Variants in FAM47E observed in about 807,000 individuals in gnomAD.
FAM47E encodes protein FAM47E.
FAM47E carries 32 observed loss-of-function variants against 41.6 expected under a neutral mutation model. The observed-to-expected ratio is 0.77, with a 90% CI of 0.58 to 1.03. The LOEUF (loss-of-function observed/expected upper bound fraction) is 1.03. FAM47E is among the 50% of genes least tolerant of loss of function. The pLI, the probability that FAM47E is intolerant of heterozygous loss-of-function variation, is 0.00. For missense variants in FAM47E, 424 were observed against 485.4 expected, an observed-to-expected ratio of 0.87 and a Z score of 1.19; for synonymous variants, 184 against 188.7, an observed-to-expected ratio of 0.98 and a Z score of 0.20.
chr4:76,278,133 G>C lies in FAM47E; in HGVS notation c.935G>C (p.Trp312Ser). 2 of 1,550,896 alleles carry C rather than the reference G, an allele frequency of 1.3e-6. No homozygotes were observed. The highest frequency in any genetic ancestry group is 1.4e-5 in the African/African-American group (1 of 73,092). ...YGAWYLNPKL[W>S]KKQRVDEPLV... ...GCATGGTATTTGAACCCCAAGTTGTGGAAAAAGCAAAGAGTAGACGAGCCT... is the reference window on the plus strand; with the variant it reads ...GCATGGTATTTGAACCCCAAGTTGTCGAAAAAGCAAAGAGTAGACGAGCCT... Residue 312 changes from tryptophan (W) to serine (S), a missense_variant, in exon 6 of 8, where the codon TGG (tryptophan) becomes TCG (serine). Transcript: ENST00000424749.
At chr4:76,216,681 T>G (rs1218825070) in intron 1 of FAM47E, among the ~76,000 whole-genome samples, 1 of 152,208 alleles carries the variant, frequency 6.6e-6, no homozygotes, top group Non-Finnish European at 1.5e-5. Context: ...TCTCTGAGGA[T>G]CTCACTCTGT....
At chr4:76,274,798 T>G (rs762445145) in intron 5 of FAM47E, among the ~76,000 whole-genome samples, 41 of 152,132 alleles carry the variant, frequency 2.7e-4, no homozygotes, top group Admixed American at 2.0e-4. Context: ...CTCCCACACA[T>G]GCACAAAGGG....
chr4:76,256,355 A>C lies in FAM47E; in HGVS notation c.252A>C (p.Gln84His), dbSNP rs774362095. 139 of 1,551,578 alleles carry C rather than the reference A, an allele frequency of 9.0e-5. No homozygotes were observed. Among genetic ancestry groups the C allele is most frequent in the Non-Finnish European group, 1.1e-4 (127 of 1,147,036 alleles). The change falls in exon 2 of 8, where the codon CAA becomes CAC. Residue 84 changes from glutamine (Q) to histidine (H), a missense_variant. By Grantham distance (24) the Gln-to-His change is conservative. Coordinates refer to ENST00000424749, the MANE Select transcript of FAM47E (RefSeq NM_001136570.3). ...FLPQIYHRAP[Q>H]LAPKKRQIKL... ...CCCAGATTTATCACAGAGCTCCCCA[A>C]CTGGCCCCAAAGAAGAGGCAGATCA...
At chr4:76,280,048 G>A (rs1000379314) in intron 6 of FAM47E, 5 of 400,372 alleles carry the variant, frequency 1.2e-5, no homozygotes, top group African/African-American at 2.0e-5. Context: ...CTTAATATGG[G>A]GATAAGGAAA....
intron 4 of FAM47E, chr4:76,269,512 G>C (rs1734793751): frequency 6.6e-6 from 1 of 152,178 alleles, no homozygotes; most frequent in Admixed American, 6.6e-5. Context: ...AGCTACTCAG[G>C]AGGCTGAGGC....
At chr4:76,277,300 T>C (rs1238931507) in intron 5 of FAM47E, among the ~76,000 whole-genome samples, 2 of 151,962 alleles carry the variant, frequency 1.3e-5, no homozygotes, top group African/African-American at 2.4e-5. Flanking sequence ...CTGGCTAACA[T>C]GGTGAAACCC....
chr4:76,217,732 A>G, intron 2 of FAM47E: 1 of 519,000 alleles, frequency 1.9e-6, no homozygotes, highest in Admixed American at 3.0e-5. Context: ...GAAAATGAGG[A>G]GACTGATGCT....
At position 76,281,210 on chromosome 4, in the gene FAM47E, T is replaced by G. The variant is rs534961238; in HGVS notation, c.1104+869T>G. ...GTTTCTGGAAATGGGAGATTTGATT[T>G]CTGTTTTTCCAAGAGTGATAGAACT... is the stretch of plus-strand genomic sequence containing the variant. On this transcript the variant is annotated intron_variant, in intron 7 of 7. Transcript: ENST00000424749. The G allele has an allele frequency of 6.6e-5, 10 of 152,322 alleles. No homozygotes were observed. The East Asian group carries it at 1.7e-3, about 26-fold the overall frequency. 9.4% of individuals were successfully genotyped at this position (152,322 alleles called of 1,614,324 possible). A position where few individuals can be genotyped will look rare whatever the true frequency, so the allele number is the denominator to read the frequency against.
At chr4:76,236,881 T>C (rs2109988976) in intron 2 of FAM47E, among the ~76,000 whole-genome samples, 1 of 151,412 alleles carries the variant, frequency 6.6e-6, no homozygotes, top group Non-Finnish European at 1.5e-5. Flanking sequence ...GGTTGTAAAA[T>C]ATGTTTCTTT....
At chr4:76,229,427 T>C (rs1187669630) in intron 2 of FAM47E, among the ~76,000 whole-genome samples, 2 of 152,238 alleles carry the variant, frequency 1.3e-5, no homozygotes, top group African/African-American at 4.8e-5. Context: ...TGTTTTGTCA[T>C]ATTACCAGAA....
At position 76,278,102 on chromosome 4, in the gene FAM47E, T is replaced by C; in HGVS notation, c.904T>C (p.Tyr302His). 1 of 1,548,196 alleles carries C rather than the reference T, an allele frequency of 6.5e-7. No homozygotes were observed. Among genetic ancestry groups the C allele is most frequent in the Non-Finnish European group, 8.7e-7 (1 of 1,145,934 alleles). ...TAAGCCAAAGTGGGTGAAGATGAGGTATGGAGCATGGTATTTGAACCCCAA... is the reference window on the plus strand; with the variant it reads ...TAAGCCAAAGTGGGTGAAGATGAGGCATGGAGCATGGTATTTGAACCCCAA... The part of the protein sequence containing the change: ...PYKPKWVKMR[Y>H]GAWYLNPKLW... The change falls in exon 6 of 8, where the codon TAT becomes CAT. Residue 302 changes from tyrosine (Y) to histidine (H), a missense_variant. Tyr to His is a moderately conservative substitution (Grantham distance 83). Transcript: ENST00000424749.
intron 2 of FAM47E, among the ~76,000 whole-genome samples, chr4:76,224,642 A>C (rs1346423952): frequency 2.0e-5 from 3 of 152,186 alleles, no homozygotes; most frequent in African/African-American, 7.2e-5. Context: ...GGTTCACTGC[A>C]ACCTCTGCCT....
chr4:76,243,740 T>C (rs1343768405), intron 2 of FAM47E, among the ~76,000 whole-genome samples: 1 of 152,200 alleles, frequency 6.6e-6, no homozygotes, highest in Non-Finnish European at 1.5e-5. Flanking sequence ...TAAAGTTGTA[T>C]GTCTTTTTAA....
At chr4:76,235,098 A>G (rs934387422) in intron 2 of FAM47E, among the ~76,000 whole-genome samples, 3 of 152,162 alleles carry the variant, frequency 2.0e-5, no homozygotes, top group African/African-American at 7.2e-5. Context: ...CGGGCAGATC[A>G]CGAGGTCAGG....
Position 76,237,051 on chromosome 4 carries a change from A to ACCG in FAM47E, c.81+19364_81+19365insCGC, listed in dbSNP as rs1578758038. Among the ~76,000 whole-genome samples the ACCG allele has an allele frequency of 2.0e-5, 3 of 151,340 alleles. No homozygotes were observed. The East Asian group carries it at 5.8e-4, about 29-fold the overall frequency. On this transcript the variant is annotated intron_variant, in intron 2 of 7. Coordinates refer to the FAM47E transcript ENST00000510197. Reference sequence around the variant, plus strand: ...GCTGGGACTACAGGCGCCTGTCACCACGCCCGGCTAATTTTTTGTATTTTT... The same window carrying ACCG: ...GCTGGGACTACAGGCGCCTGTCACCACCGCGCCCGGCTAATTTTTTGTATTTTT...
intron 1 of FAM47E, among the ~76,000 whole-genome samples, chr4:76,255,090 T>C (rs1456286643): frequency 6.6e-6 from 1 of 152,168 alleles, no homozygotes; most frequent in Non-Finnish European, 1.5e-5. Context: ...TTCACAGATC[T>C]TGAAAAATCT....
upstream of FAM47E, among the ~76,000 whole-genome samples, chr4:76,248,625 T>G (rs1404562399): frequency 6.6e-6 from 1 of 152,160 alleles, no homozygotes; most frequent in Non-Finnish European, 1.5e-5. Flanking sequence ...AAAACAGACC[T>G]GATCCTCGTC....
intron 2 of FAM47E, among the ~76,000 whole-genome samples, chr4:76,241,653 C>G (rs899899962): frequency 6.6e-6 from 1 of 152,090 alleles, no homozygotes; most frequent in African/African-American, 2.4e-5. Flanking sequence ...CAATAGACCC[C>G]AAAGTTTTAA....
intron 1 of FAM47E, among the ~76,000 whole-genome samples, chr4:76,255,561 CG>C (rs1223922888): frequency 6.6e-6 from 1 of 152,084 alleles, no homozygotes; most frequent in Non-Finnish European, 1.5e-5. Context: ...GAAGAGCCAA[CG>C]CCATTCAGCT....
Sources: allele counts gnomAD v4.1 joint callset (sites outside exome capture counted in the v4.1 genomes callset), GRCh38; gene constraint gnomAD v4.1.1; transcripts MANE v1.5; gene names NCBI Gene and HGNC (gene_info 2026-07-23, HGNC 2026-07-21).